The following PCDHGA1 variants were observed in gnomAD, a reference collection of about 807,000 sequenced individuals.
PCDHGA1 encodes the protein protocadherin gamma subfamily A, 1.
Under a neutral mutation model 58.0 loss-of-function variants are expected in PCDHGA1, and 32 were observed. The ratio of observed to expected loss-of-function variants is 0.55; its 90% CI spans 0.42 to 0.74. The LOEUF (loss-of-function observed/expected upper bound fraction) is 0.74. Ranked by LOEUF, PCDHGA1 falls within the 30% of genes least tolerant of loss-of-function variation. The pLI, the probability that PCDHGA1 is intolerant of heterozygous loss-of-function variation, is 0.00. For synonymous variants in PCDHGA1, 498 were observed against 501.1 expected (o/e 0.99, Z 0.08); for missense variants, 1,205 against 1,182.3 (o/e 1.02, Z -0.28).
intron 1 of PCDHGA1, chr5:141,383,556 C>G: frequency 6.2e-7 from 1 of 1,612,766 alleles, no homozygotes; most frequent in Non-Finnish European, 8.5e-7. Flanking sequence ...ATGGCGGCGA[C>G]CCGCCCCGAT....
intron 1 of PCDHGA1, chr5:141,373,843 C>T (rs1769882527): frequency 2.3e-6 from 1 of 442,614 alleles, no homozygotes; most frequent in Non-Finnish European, 4.0e-6. Flanking sequence ...AGTTAGGACT[C>T]TAAGCGTCGC....
chr5:141,366,885 T>TA (rs1382759169), intron 1 of PCDHGA1: 4 of 1,309,886 alleles, frequency 3.1e-6, no homozygotes, highest in Admixed American at 2.5e-5. Flanking sequence ...TTAATTTTTT[T>TA]TATATAATTC....
At position 141,403,421 on chromosome 5, in the gene PCDHGA1, G is replaced by A. The variant is rs773369451; in HGVS notation, c.2421+70316G>A. ...TGGAGCACGTTATCCACTTCCAGAA[G>A]CTATTGATCCGGATGTTGGCGTGAA... On this transcript the variant is annotated intron_variant, in intron 1 of 3. Coordinates refer to ENST00000517417, the MANE Select transcript of PCDHGA1 (RefSeq NM_018912.3). 11 of 1,614,038 alleles carry A rather than the reference G, an allele frequency of 6.8e-6. No individual in the cohort carries two copies. In the East Asian group the frequency reaches 2.5e-4, roughly 36 times the overall value.
chr5:141,340,310 G>T (rs1236347176), intron 1 of PCDHGA1: 2 of 1,614,088 alleles, frequency 1.2e-6, no homozygotes, highest in Non-Finnish European at 1.7e-6. Flanking sequence ...AGACATCAAC[G>T]ACAACGCACC....
At chr5:141,488,146 A>G (rs1458115635) in intron 1 of PCDHGA1, among the ~76,000 whole-genome samples, 2 of 152,164 alleles carry the variant, frequency 1.3e-5, no homozygotes, top group South Asian at 4.1e-4. Context: ...AACTAAAGGA[A>G]TAGAGAGGCA....
chr5:141,375,838 C>T (rs527863161), intron 1 of PCDHGA1: 1 of 1,614,128 alleles, frequency 6.2e-7, no homozygotes, highest in Admixed American at 1.7e-5. Flanking sequence ...CAGAGCCCGG[C>T]TACCTGGTGA....
In PCDHGA1 at chr5:141,415,645, A is replaced by T. The variant is rs200555070; in HGVS notation, c.2422-79162A>T. On this transcript the variant is annotated intron_variant, in intron 1 of 3. Transcript: ENST00000517417. The stretch of plus-strand genomic sequence containing the variant: ...TATTTTCATTTTTACTTTTGTTAAA[A>T]AAAAAAAGATTGGTTTTTACTTTGA... The T allele has an allele frequency of 3.5e-3, 5,682 of 1,600,720 alleles. 22 individuals carry two copies. The highest frequency in any genetic ancestry group is 5.0e-3 in the Middle Eastern group (30 of 6,044).
At chr5:141,379,890 T>TTTTTTTTTTTTTTTTTTTTTTG (rs1776022019) in intron 1 of PCDHGA1, among the ~76,000 whole-genome samples, 1 of 25,360 alleles carries the variant, frequency 3.9e-5, no homozygotes, top group Non-Finnish European at 6.4e-5. Context: ...TGAAAGCCTC[T>TTTTTTTTTTTTTTTTTTTTTTG]TTTTTTTTTT....
rs759045688 is a variant in PCDHGA1 at position 141,395,208 on chromosome 5, G to C, written c.2421+62103G>C. 5.6e-6 allele frequency: 9 copies of C among 1,613,352 alleles called. No individual in the cohort carries two copies. In the Admixed American group the frequency reaches 1.5e-4, roughly 27 times the overall value. ...TTTGTTAACATCCGTAGATTTTCAT[G>C]AATATAAGAATGAAGCTGATCATGG... On this transcript the variant is annotated intron_variant, in intron 1 of 3. Coordinates refer to ENST00000517417, the MANE Select transcript of PCDHGA1 (RefSeq NM_018912.3).
chr5:141,375,179 A>G (rs2150054707), intron 1 of PCDHGA1: 4 of 1,613,972 alleles, frequency 2.5e-6, no homozygotes, highest in Middle Eastern at 1.6e-4. Context: ...AGGAACAGTA[A>G]TCGCCCTTTT....
intron 1 of PCDHGA1, chr5:141,374,180 T>C (rs1347088415): frequency 6.2e-7 from 1 of 1,613,682 alleles, no homozygotes; most frequent in Non-Finnish European, 8.5e-7. Context: ...GCAGATCCGC[T>C]ACTCTATTCC....
intron 1 of PCDHGA1, chr5:141,478,636 T>G: frequency 1.3e-6 from 2 of 1,552,744 alleles, no homozygotes; most frequent in South Asian, 2.4e-5. Flanking sequence ...TTTTTAGTGA[T>G]GAAGATGTTT....
intron 1 of PCDHGA1, 146 bp from the exon 2 acceptor site, chr5:141,494,661 G>C (rs2099755951): frequency 6.7e-7 from 1 of 1,492,856 alleles, no homozygotes; most frequent in African/African-American, 1.4e-5. Context: ...TTTGTCTTTG[G>C]AGATGAGTCC....
intron 1 of PCDHGA1, among the ~76,000 whole-genome samples, chr5:141,381,181 G>A (rs1777044636): frequency 6.6e-6 from 1 of 152,230 alleles, no homozygotes; most frequent in African/African-American, 2.4e-5. Flanking sequence ...ACAAAACGAA[G>A]TTAAGCTTTC....
intron 1 of PCDHGA1, chr5:141,478,479 C>T (rs750055106): frequency 1.9e-6 from 3 of 1,613,550 alleles, no homozygotes; most frequent in Admixed American, 1.7e-5. Context: ...CGCCAGAACA[C>T]GCTGCGGAGC....
intron 1 of PCDHGA1, chr5:141,366,640 T>G: frequency 3.7e-6 from 6 of 1,614,186 alleles, no homozygotes; most frequent in Non-Finnish European, 4.2e-6. Flanking sequence ...ACCTGATCTT[T>G]CCCCAGCCCA....
chr5:141,345,352 T>A (rs759545017), intron 1 of PCDHGA1: 108 of 1,613,876 alleles, frequency 6.7e-5, no homozygotes, highest in Middle Eastern at 3.3e-4. Flanking sequence ...CACATCACCC[T>A]GCATGTGATT....
Position 141,491,401 on chromosome 5 carries a change from G to T in PCDHGA1, c.2422-3406G>T, listed in dbSNP as rs1442005704. ...GTCAGCGAAGTGCCTTCAGGGAAAC[G>T]CAGACGGGGACGGGGGTGGAGGGCA... On this transcript the variant is annotated intron_variant, in intron 1 of 3. Coordinates refer to ENST00000517417, the MANE Select transcript of PCDHGA1 (RefSeq NM_018912.3). The surrounding 1 kb of genome is among the most constrained non-coding windows in gnomAD (Gnocchi z 6.9). 1.2e-6 allele frequency: 2 copies of T among 1,614,102 alleles called. No homozygotes were observed. Among genetic ancestry groups the T allele is most frequent in the Non-Finnish European group, 1.7e-6 (2 of 1,179,990 alleles).
intron 1 of PCDHGA1, chr5:141,372,236 C>G (rs777727544): frequency 1.2e-6 from 2 of 1,613,204 alleles, no homozygotes; most frequent in East Asian, 4.5e-5. Flanking sequence ...CCAGCGAGCC[C>G]GGGCTGTTCA....
Sources: gnomAD v4.1 joint callset for allele counts (sites outside exome capture counted in the v4.1 genomes callset) on GRCh38, gnomAD v4.1.1 for gene constraint, Gnocchi (gnomAD v3.1) non-coding constraint, MANE v1.5 for transcripts, NCBI Gene and HGNC (gene_info 2026-07-23, HGNC 2026-07-21) for gene names.